The following BACE1 variants were observed in gnomAD, a reference collection of about 807,000 sequenced individuals.
The protein encoded by BACE1 is beta-secretase 1.
Under a neutral mutation model 54.0 loss-of-function variants are expected in BACE1, and 21 were observed. The observed-to-expected ratio is 0.39, with a 90% CI of 0.28 to 0.56. BACE1 has a LOEUF of 0.56. Among genes scored for constraint, BACE1 ranks in the 20% least tolerant of loss-of-function variants. BACE1 has a pLI of 0.63. For missense variants in BACE1, 511 were observed against 661.2 expected, an observed-to-expected ratio of 0.77 and a Z score of 2.49; for synonymous variants, 232 against 260.9, an observed-to-expected ratio of 0.89 and a Z score of 1.07.
chr11:117,287,441 G>T lies in BACE1; in HGVS notation c.*2125C>A, dbSNP rs554273984. 6.5e-6 allele frequency: 1 copy of T among 152,726 alleles called. No individual in the cohort carries two copies. Among genetic ancestry groups the T allele is most frequent in the African/African-American group, 2.4e-5 (1 of 41,574 alleles). 9.5% of individuals were successfully genotyped at this position (152,726 alleles called of 1,614,324 possible). On this transcript the variant is annotated 3_prime_UTR_variant, in exon 9 of 9. Transcript: ENST00000313005. ...TTTACAAGCAAGAAGCTGTTGTTAA[G>T]ACTTTTTTTTACACTTAGAGTTTAT... is the stretch of plus-strand genomic sequence containing the variant.
Position 117,315,808 on chromosome 11 carries a change from C to A in BACE1, c.-13G>T. On this transcript the variant is annotated 5_prime_UTR_variant, in exon 1 of 9. Coordinates refer to ENST00000313005, the MANE Select transcript of BACE1 (RefSeq NM_012104.6). This position sits in a 1 kb window ranked among gnomAD's most constrained non-coding sequence, Gnocchi z 5.5. ...GGGCTTGGGCCATGGTGGGCCCCGGCCTTCGGGCCCTCTGGGCTCGCACTG... is the reference window on the plus strand; with the variant it reads ...GGGCTTGGGCCATGGTGGGCCCCGGACTTCGGGCCCTCTGGGCTCGCACTG... The A allele has an allele frequency of 7.2e-7, 1 of 1,396,254 alleles. No homozygotes were observed. Among genetic ancestry groups the A allele is most frequent in the Admixed American group, 3.8e-5 (1 of 26,630 alleles). The allele number at this position is 1,396,254 out of a possible 1,614,324, so 86.5% of individuals were successfully genotyped here. A position where few individuals can be genotyped will look rare whatever the true frequency, so the allele number is the denominator to read the frequency against.
intron 3 of BACE1, 145 bp downstream of exon 3, chr11:117,294,986 T>C (rs182152664): frequency 2.4e-6 from 2 of 827,642 alleles, no homozygotes; most frequent in Admixed American, 2.2e-5. Context: ...GGCTAAAATT[T>C]AGACTGCCAC....
Position 117,315,950 on chromosome 11 carries a change from G to A in BACE1, c.-155C>T. 2 of 829,242 alleles carry A rather than the reference G, an allele frequency of 2.4e-6. No individual in the cohort carries two copies. Among genetic ancestry groups the A allele is most frequent in the Non-Finnish European group, 3.4e-6 (2 of 588,680 alleles). The allele number at this position is 829,242 out of a possible 1,614,324, so 51.4% of individuals were successfully genotyped here. ...CCTGCAGGGCCCTGGGCCAGCCCCC[G>A]GGTCCGGGCTGTGGAGAGCGGTCAG... On this transcript the variant is annotated 5_prime_UTR_variant, in exon 1 of 9. Coordinates refer to ENST00000313005, the MANE Select transcript of BACE1 (RefSeq NM_012104.6). The surrounding 1 kb of genome is among the most constrained non-coding windows in gnomAD (Gnocchi z 5.5).
Position 117,286,590 on chromosome 11 carries a change from T to A in BACE1, c.*2976A>T, listed in dbSNP as rs1332149638. ...CATGTCGGATAGCAAAGACTTTTCCTTTCAGACCCAACTAAATGATCTCCT... is the reference window on the plus strand; with the variant it reads ...CATGTCGGATAGCAAAGACTTTTCCATTCAGACCCAACTAAATGATCTCCT... On this transcript the variant is annotated 3_prime_UTR_variant, in exon 9 of 9. Transcript: ENST00000313005. The A allele has an allele frequency of 1.3e-5, 2 of 152,698 alleles. No individual in the cohort carries two copies. The highest frequency in any genetic ancestry group is 3.8e-4 in the East Asian group (2 of 5,206). 9.5% of individuals were successfully genotyped at this position (152,698 alleles called of 1,614,324 possible).
At chr11:117,294,294 G>A (rs1051106388) in intron 3 of BACE1, 3 of 205,102 alleles carry the variant, frequency 1.5e-5, no homozygotes, top group Non-Finnish European at 2.0e-5. Context: ...TCGGCTCACT[G>A]CAACCTTCAC....
Position 117,290,910 on chromosome 11 carries a change from A to G in BACE1, c.1082T>C (p.Ile361Thr), listed in dbSNP as rs748232622. 1 of 1,613,990 alleles carries G rather than the reference A, an allele frequency of 6.2e-7. No homozygotes were observed. Among genetic ancestry groups the G allele is most frequent in the South Asian group, 1.1e-5 (1 of 91,064 alleles). The change falls in exon 7 of 9, where the codon ATC becomes ACC. Residue 361 changes from isoleucine (I) to threonine (T), a missense_variant. Physicochemically the swap from Ile to Thr is moderately conservative, Grantham distance 89 (BLOSUM62 -1). Transcript: ENST00000313005. ...CAGGCTGGGACATACCTGCGGAAGGATGGTGATGCGGAAGGACTGGTTGGT... is the reference window on the plus strand; with the variant it reads ...CAGGCTGGGACATACCTGCGGAAGGGTGGTGATGCGGAAGGACTGGTTGGT... Reference protein sequence around the residue: ...EVTNQSFRITILPQQYLRPVE... With the variant: ...EVTNQSFRITTLPQQYLRPVE...
At position 117,315,400 on chromosome 11, in the gene BACE1, G is replaced by C; in HGVS notation, c.261+135C>G. On this transcript the variant is annotated intron_variant, in intron 1 of 8. Transcript: ENST00000313005. This position sits in a 1 kb window ranked among gnomAD's most constrained non-coding sequence, Gnocchi z 5.5. ...TTCTGCCAACAACCACGTGACCCCC[G>C]GGGAATGGCTGGGGAGGGGTCCCTC... 3.2e-6 allele frequency: 4 copies of C among 1,241,416 alleles called. No homozygotes were observed. In the South Asian group the frequency reaches 6.6e-5, roughly 21 times the overall value. 76.9% of individuals were successfully genotyped at this position (1,241,416 alleles called of 1,614,324 possible).
chr11:117,310,374 CAA>C (rs2034919563), intron 1 of BACE1, among the ~76,000 whole-genome samples: 1 of 152,130 alleles, frequency 6.6e-6, no homozygotes, highest in South Asian at 2.1e-4. Flanking sequence ...TATTATAACA[CAA>C]AGAGAGGATA....
chr11:117,291,818 GA>G lies in BACE1; in HGVS notation c.841-6del, dbSNP rs1321682104. 6.3e-7 allele frequency: 1 copy of G among 1,599,050 alleles called. No homozygotes were observed. Among genetic ancestry groups the G allele is most frequent in the African/African-American group, 1.3e-5 (1 of 74,596 alleles). Reference sequence around the variant, plus strand: ...AATGCTCTTGTCATAGTTGTACTAAGAGGGAAAAGAGAGAGTTAAAAGAGTC... The same window carrying G: ...AATGCTCTTGTCATAGTTGTACTAAGGGGAAAAGAGAGAGTTAAAAGAGTC... On this transcript the variant is annotated splice_region_variant and splice_polypyrimidine_tract_variant and intron_variant, in intron 5 of 8. Transcript: ENST00000313005.
intron 3 of BACE1, 47 bp from the exon 4 acceptor site, chr11:117,294,055 G>A (rs745904539): frequency 1.9e-5 from 30 of 1,582,822 alleles, no homozygotes; most frequent in Non-Finnish European, 2.6e-5. Flanking sequence ...GGCCCTAAAG[G>A]CAGAGGCCAG....
chr11:117,315,619 G>A lies in BACE1; in HGVS notation c.177C>T (p.Ser59=), dbSNP rs201794451. The A allele has an allele frequency of 7.8e-5, 123 of 1,586,864 alleles. 1 individual carries two copies. In the Admixed American group the frequency reaches 2.1e-3, roughly 28 times the overall value. ...EEPEEPGRRG[S]FVEMVDNLRG... ...TCAGGTTGTCCACCATCTCCACAAA[G>A]CTGCCCCTCCGGCCGGGCTCCTCGG... Residue 59 remains serine (S), a synonymous_variant, in exon 1 of 9, where the codon AGC becomes AGT. Coordinates refer to ENST00000313005, the MANE Select transcript of BACE1 (RefSeq NM_012104.6). The surrounding 1 kb of genome is among the most constrained non-coding windows in gnomAD (Gnocchi z 5.5).
chr11:117,289,679 T>C lies in BACE1; in HGVS notation c.1393A>G (p.Ile465Val), dbSNP rs1375583398. The C allele has an allele frequency of 6.2e-7, 1 of 1,614,214 alleles. No individual in the cohort carries two copies. Among genetic ancestry groups the C allele is most frequent in the Admixed American group, 1.7e-5 (1 of 60,020 alleles). The change falls in exon 9 of 9, where the codon ATC (isoleucine) becomes GTC (valine). Residue 465 changes from isoleucine to valine, a missense_variant. Ile to Val is a conservative substitution (Grantham distance 29). This residue lies in a region of BACE1 where 407 missense variants were observed against 565.7 expected (regional missense o/e 0.72). Transcript: ENST00000313005. ...LMTIAYVMAAICALFMLPLCL... is the reference protein window; with the variant it reads ...LMTIAYVMAAVCALFMLPLCL... ...AGTGGCAGCATGAAGAGGGCGCAGA[T>C]GGCAGCCATGACATAGGCTATGGTC...
chr11:117,299,646 A>G (rs2034678701), intron 1 of BACE1: 1 of 370,412 alleles, frequency 2.7e-6, no homozygotes, highest in Non-Finnish European at 5.3e-6. Context: ...CTCTTCCCCT[A>G]CCTCTACCCG....
chr11:117,298,959 C>T (rs1473227152), intron 1 of BACE1, among the ~76,000 whole-genome samples: 5 of 152,212 alleles, frequency 3.3e-5, no homozygotes, highest in Admixed American at 3.3e-4. Flanking sequence ...GTGTGCGCTA[C>T]CACGCAGGGC....
At chr11:117,301,326 G>A (rs541182900) in intron 1 of BACE1, among the ~76,000 whole-genome samples, 1 of 152,316 alleles carries the variant, frequency 6.6e-6, no homozygotes, top group South Asian at 2.1e-4. Context: ...TGCAGGGGCT[G>A]ACACCTGTAA....
Position 117,315,824 on chromosome 11 carries a change from G to T in BACE1, c.-29C>A. ...GGGCCCCGGCCTTCGGGCCCTCTGG[G>T]CTCGCACTGGCCCACGTCCGTCCCT... On this transcript the variant is annotated 5_prime_UTR_variant, in exon 1 of 9. Transcript: ENST00000313005. This position sits in a 1 kb window ranked among gnomAD's most constrained non-coding sequence, Gnocchi z 5.5. 2 of 1,387,090 alleles carry T rather than the reference G, an allele frequency of 1.4e-6. No individual in the cohort carries two copies. The highest frequency in any genetic ancestry group is 1.9e-6 in the Non-Finnish European group (2 of 1,079,998). The allele number at this position is 1,387,090 out of a possible 1,614,324, so 85.9% of individuals were successfully genotyped here.
At chr11:117,297,109 C>T (rs1420151829) in intron 1 of BACE1, 148 bp from the exon 2 acceptor site, 6 of 625,880 alleles carry the variant, frequency 9.6e-6, no homozygotes, top group South Asian at 7.8e-5. Flanking sequence ...GGCTGGCACC[C>T]GTTACCACCA....
At chr11:117,313,780 G>A (rs1371695456) in intron 1 of BACE1, among the ~76,000 whole-genome samples, 1 of 152,124 alleles carries the variant, frequency 6.6e-6, no homozygotes, top group African/African-American at 2.4e-5. Flanking sequence ...ATGCCTCATT[G>A]CATAGAATTG....
At chr11:117,314,394 T>C (rs922642019) in intron 1 of BACE1, among the ~76,000 whole-genome samples, 7 of 152,156 alleles carry the variant, frequency 4.6e-5, no homozygotes, top group African/African-American at 1.7e-4. Flanking sequence ...TGTAAAGTAA[T>C]TGGGAGGTGG....
Sources: gnomAD v4.1 joint callset for allele counts (sites outside exome capture counted in the v4.1 genomes callset) on GRCh38, gnomAD v4.1.1 for gene constraint, gnomAD v4.1.1 regional missense constraint, Gnocchi (gnomAD v3.1) non-coding constraint, MANE v1.5 for transcripts, NCBI Gene and HGNC (gene_info 2026-07-23, HGNC 2026-07-21) for gene names.